Variants in TNRC6B observed in about 807,000 individuals in gnomAD.
TNRC6B encodes trinucleotide repeat containing adaptor 6B, also known as trinucleotide repeat-containing gene 6B protein.
In TNRC6B, 52 loss-of-function variants were observed where a neutral mutation model predicts 203.6. That is an observed-to-expected ratio of 0.26 (90% CI 0.20 to 0.32). The LOEUF is 0.32. TNRC6B is among the 10% of genes least tolerant of loss of function. The pLI, the probability that TNRC6B is intolerant of heterozygous loss-of-function variation, is 1.00. For synonymous variants in TNRC6B, 838 were observed against 845.7 expected (o/e 0.99, Z 0.16); for missense variants, 1,923 against 2,286.2 (o/e 0.84, Z 3.24).
intron 17 of TNRC6B, 62 bp downstream of exon 17, chr22:40,311,055 T>C (rs1017368031): frequency 5.3e-6 from 8 of 1,496,338 alleles, no homozygotes; most frequent in African/African-American, 1.4e-5. Context: ...AGTTTCAGGT[T>C]CAGAATACAT....
intron 3 of TNRC6B, chr22:40,253,747 ATT>A: frequency 2.2e-6 from 1 of 455,750 alleles, no homozygotes; most frequent in South Asian, 1.6e-5. Flanking sequence ...TGACCTTTCT[ATT>A]GTTGGGTCTA....
chr22:40,089,609 C>A (rs186554606), intron 1 of TNRC6B, among the ~76,000 whole-genome samples: 2 of 152,232 alleles, frequency 1.3e-5, no homozygotes, highest in Admixed American at 1.3e-4. Context: ...ATCATATTTG[C>A]CTGTTCTGTG....
At chr22:40,053,052 C>T (rs764248750) in intron 1 of TNRC6B, among the ~76,000 whole-genome samples, 57 of 151,136 alleles carry the variant, frequency 3.8e-4, no homozygotes, top group Non-Finnish European at 5.9e-4. Flanking sequence ...CTCTGAATGT[C>T]GATTTGTGCT....
chr22:40,175,378 TC>T (rs758455135), upstream of TNRC6B, among the ~76,000 whole-genome samples: 12 of 152,146 alleles, frequency 7.9e-5, no homozygotes, highest in Non-Finnish European at 1.8e-4. Context: ...ATATATGTTT[TC>T]AGCATATTAT....
At chr22:40,194,071 G>A (rs565870696) in intron 1 of TNRC6B, among the ~76,000 whole-genome samples, 11 of 152,204 alleles carry the variant, frequency 7.2e-5, no homozygotes, top group Non-Finnish European at 1.5e-4. Context: ...GGATAACCAG[G>A]GGGCAAGGTC....
chr22:40,191,663 C>A (rs1219392344), intron 1 of TNRC6B, among the ~76,000 whole-genome samples: 1 of 152,186 alleles, frequency 6.6e-6, no homozygotes, highest in Non-Finnish European at 1.5e-5. Context: ...CTCACTGTGA[C>A]CTTGAACTCC....
chr22:40,320,618 G>C (rs12485202), intron 21 of TNRC6B, among the ~76,000 whole-genome samples: 47,359 of 152,130 alleles, frequency 0.31, 8,978 homozygotes, highest in African/African-American at 0.53. Context: ...TGGGGTGAGG[G>C]GTACAGCCTT....
At chr22:40,204,122 T>G (rs765874312) in intron 1 of TNRC6B, among the ~76,000 whole-genome samples, 2 of 152,234 alleles carry the variant, frequency 1.3e-5, no homozygotes, top group Non-Finnish European at 2.9e-5. Context: ...CTCTGTGTCT[T>G]TATATGCCAC....
At chr22:40,257,426 A>G (rs1410620129) in intron 3 of TNRC6B, among the ~76,000 whole-genome samples, 2 of 152,336 alleles carry the variant, frequency 1.3e-5, no homozygotes, top group African/African-American at 4.8e-5. Context: ...TTAAAAGAAA[A>G]TGAATGGAGG....
intron 2 of TNRC6B, among the ~76,000 whole-genome samples, chr22:40,118,730 C>T (rs2068414480): frequency 1.3e-5 from 2 of 152,150 alleles, no homozygotes; most frequent in African/African-American, 4.8e-5. Flanking sequence ...CAGTCTAATC[C>T]TTATCACATA....
chr22:40,172,344 C>T (rs111249964), intron 4 of TNRC6B, among the ~76,000 whole-genome samples: 2 of 152,248 alleles, frequency 1.3e-5, no homozygotes, highest in East Asian at 1.9e-4. Flanking sequence ...TCCATATAGA[C>T]GAGAACCTTC....
At chr22:40,074,255 A>G (rs888523097) in intron 1 of TNRC6B, among the ~76,000 whole-genome samples, 4 of 151,398 alleles carry the variant, frequency 2.6e-5, no homozygotes, top group South Asian at 2.1e-4. Context: ...AAAAAAAAGA[A>G]AAGAAAATGG....
At chr22:40,243,500 G>C (rs1396110677) in intron 1 of TNRC6B, among the ~76,000 whole-genome samples, 1 of 152,176 alleles carries the variant, frequency 6.6e-6, no homozygotes, top group Admixed American at 6.5e-5. Flanking sequence ...TTAATTGCCT[G>C]TTTATAGGGA....
At chr22:40,315,189 T>G in intron 19 of TNRC6B, 94 bp from the exon 20 acceptor site, 1 of 893,724 alleles carries the variant, frequency 1.1e-6, no homozygotes, top group Non-Finnish European at 1.8e-6. Flanking sequence ...TAAATGTGCA[T>G]GTATTTATGT....
Position 40,182,404 on chromosome 22 carries a change from C to T in TNRC6B, c.5+4264C>T, listed in dbSNP as rs1352597420. 3.9e-5 allele frequency among the ~76,000 whole-genome samples: 6 copies of T among 152,232 alleles called. No homozygotes were observed. In the South Asian group the frequency reaches 1.0e-3, roughly 26 times the overall value. On this transcript the variant is annotated intron_variant, in intron 1 of 22. Coordinates refer to ENST00000454349, the MANE Select transcript of TNRC6B (RefSeq NM_001162501.2). ...AATTGTTTCTCTGTACAGTATTGTT[C>T]GTGGATTTACTCTAATCCCACTTTC...
chr22:40,176,003 A>G (rs930599188), upstream of TNRC6B, among the ~76,000 whole-genome samples: 5 of 152,196 alleles, frequency 3.3e-5, no homozygotes, highest in Admixed American at 3.3e-4. Flanking sequence ...TCTAGAATCC[A>G]TCAGTTGTCT....
intron 1 of TNRC6B, among the ~76,000 whole-genome samples, chr22:40,050,099 T>C (rs1159682068): frequency 6.6e-6 from 1 of 152,064 alleles, no homozygotes; most frequent in African/African-American, 2.4e-5. Flanking sequence ...GGCCATATAA[T>C]AAACTCTGTT....
chr22:40,260,029 G>A (rs966350998), intron 3 of TNRC6B, among the ~76,000 whole-genome samples: 1 of 152,108 alleles, frequency 6.6e-6, no homozygotes, highest in East Asian at 1.9e-4. Flanking sequence ...CTGTATGTTC[G>A]ACGGGAAGAG....
intron 1 of TNRC6B, among the ~76,000 whole-genome samples, chr22:40,187,636 C>T (rs932708274): frequency 6.6e-6 from 1 of 152,080 alleles, no homozygotes; most frequent in African/African-American, 2.4e-5. Flanking sequence ...GTCAGTGTCC[C>T]AGCGTCCCTG....
Sources: allele counts gnomAD v4.1 joint callset (sites outside exome capture counted in the v4.1 genomes callset), GRCh38; gene constraint gnomAD v4.1.1; transcripts MANE v1.5; gene names NCBI Gene and HGNC (gene_info 2026-07-23, HGNC 2026-07-21).